Variants in RPL27 observed in about 807,000 individuals in gnomAD.
RPL27 encodes the protein large ribosomal subunit protein eL27.
For missense variants in RPL27, 131 were observed against 174.3 expected, an observed-to-expected ratio of 0.75 and a Z score of 1.40; for synonymous variants, 77 against 61.0, an observed-to-expected ratio of 1.26 and a Z score of -1.22.
intron 3 of RPL27, among the ~76,000 whole-genome samples, chr17:43,000,819 C>T (rs2050353420): frequency 6.6e-6 from 1 of 150,500 alleles, no homozygotes; most frequent in Admixed American, 6.6e-5. Flanking sequence ...CTTTGGGAGG[C>T]CAAGGCGGAT....
At chr17:42,999,195 C>G (rs1188243708) in intron 2 of RPL27, 1 of 201,612 alleles carries the variant, frequency 5.0e-6, no homozygotes, top group African/African-American at 2.4e-5. Flanking sequence ...GACGGGATCT[C>G]TGTCCAGGCT....
At chr17:42,998,587 GA>G (rs1172051417) in intron 1 of RPL27, 116 bp downstream of exon 1, 1 of 554,086 alleles carries the variant, frequency 1.8e-6, no homozygotes, top group African/African-American at 2.0e-5. Flanking sequence ...CTACGTATCC[GA>G]TCCTGTCCTG....
chr17:43,000,180 C>A, intron 3 of RPL27, 78 bp downstream of exon 3: 2 of 1,114,852 alleles, frequency 1.8e-6, no homozygotes, highest in Non-Finnish European at 2.7e-6. Flanking sequence ...GCAGCCATTC[C>A]AACACCAGGA....
In RPL27 at chr17:42,999,852, T is replaced by C. The variant is rs542134340; in HGVS notation, c.82-81T>C. On this transcript the variant is annotated intron_variant, in intron 2 of 4. Coordinates refer to ENST00000253788, the MANE Select transcript of RPL27 (RefSeq NM_000988.5). ...TCTTGGAGACCTGAGGGTGGAAATA[T>C]TTTTTGGACACTGCACTACCTCTAA... is the stretch of plus-strand genomic sequence containing the variant. 1.6e-5 allele frequency: 18 copies of C among 1,139,828 alleles called. No homozygotes were observed. In the African/African-American group the frequency reaches 2.2e-4, roughly 14 times the overall value. 70.6% of individuals were successfully genotyped at this position (1,139,828 alleles called of 1,614,324 possible).
chr17:43,000,592 C>T (rs1172561445), intron 3 of RPL27, among the ~76,000 whole-genome samples: 1 of 149,780 alleles, frequency 6.7e-6, no homozygotes, highest in African/African-American at 2.4e-5. Flanking sequence ...CACCTGCCAC[C>T]ACACCTGGCT....
intron 3 of RPL27, among the ~76,000 whole-genome samples, chr17:43,001,684 G>T (rs1306040713): frequency 1.3e-5 from 2 of 151,692 alleles, no homozygotes; most frequent in African/African-American, 2.4e-5. Flanking sequence ...GATGTGGTGG[G>T]GTTGAGGCAG....
chr17:43,001,822 T>TGGCTCAGGCTTGTAATCCCAGC (rs1248220563), intron 3 of RPL27, among the ~76,000 whole-genome samples: 1 of 151,674 alleles, frequency 6.6e-6, no homozygotes, highest in East Asian at 1.9e-4. Flanking sequence ...CCGGGCACAG[T>TGGCTCAGGCTTGTAATCCCAGC]GGCTCAGGCT....
Position 42,998,932 on chromosome 17 carries a change from G to A in RPL27, c.81+101G>A, listed in dbSNP as rs2271539. The stretch of plus-strand genomic sequence containing the variant: ...TTCAAGGCCTGTTTCTGGGGCAGTA[G>A]CCAGTGAGCACGGTCAGGGTGAACG... On this transcript the variant is annotated intron_variant, in intron 2 of 4. Coordinates refer to ENST00000253788, the MANE Select transcript of RPL27 (RefSeq NM_000988.5). 0.63 allele frequency: 561,790 copies of A among 895,796 alleles called. 183,574 individuals carry two copies. The highest frequency in any genetic ancestry group is 0.73 in the Admixed American group (39,456 of 54,346). The allele number at this position is 895,796 out of a possible 1,614,324, so 55.5% of individuals were successfully genotyped here. A position where few individuals can be genotyped will look rare whatever the true frequency, so the allele number is the denominator to read the frequency against.
At chr17:42,998,393 G>A (rs191982173), upstream of RPL27, 204 of 201,000 alleles carry the variant, frequency 1.0e-3, no homozygotes, top group African/African-American at 4.1e-3. Context: ...AGGAAGTGAG[G>A]TCACTCCTCA....
chr17:42,999,682 T>C, intron 2 of RPL27: 2 of 460,010 alleles, frequency 4.3e-6, no homozygotes, highest in Non-Finnish European at 7.9e-6. Flanking sequence ...TAGCAAGTAC[T>C]TCTTAAATGT....
chr17:43,001,403 A>G (rs1353024134), intron 3 of RPL27, among the ~76,000 whole-genome samples: 1 of 151,828 alleles, frequency 6.6e-6, no homozygotes, highest in African/African-American at 2.4e-5. Context: ...AGGCAGGTGG[A>G]TCGCTTGAGG....
rs776186138 is a variant in RPL27, at chr17:42,999,958, G to C, written c.107G>C (p.Arg36Pro). The C allele has an allele frequency of 6.2e-7, 1 of 1,611,904 alleles. No homozygotes were observed. The highest frequency in any genetic ancestry group is 8.5e-7 in the Non-Finnish European group (1 of 1,179,830). Residue 36 changes from arginine (R) to proline (P), a missense_variant, in exon 3 of 5, where the codon CGC becomes CCC. Arg to Pro is a moderately radical substitution (Grantham distance 103, BLOSUM62 -2). Transcript: ENST00000253788. ...AACATTGATGATGGCACCTCAGATC[G>C]CCCCTACAGCCATGCTCTGGTGGCT... ...VKNIDDGTSDRPYSHALVAGI... is the reference protein window; with the variant it reads ...VKNIDDGTSDPPYSHALVAGI...
chr17:42,999,922 T>TA lies in RPL27; in HGVS notation c.82-10dup. 1 of 1,607,446 alleles carries TA rather than the reference T, an allele frequency of 6.2e-7. No homozygotes were observed. The highest frequency in any genetic ancestry group is 1.1e-5 in the South Asian group (1 of 90,846). ...CTCAGTGAATAACAAATGTAATTCTTACTCATTTAGAACATTGATGATGGC... is the reference window on the plus strand; with the variant it reads ...CTCAGTGAATAACAAATGTAATTCTTAACTCATTTAGAACATTGATGATGGC... On this transcript the variant is annotated splice_polypyrimidine_tract_variant and intron_variant, in intron 2 of 4. Transcript: ENST00000253788.
At chr17:43,000,158 G>T (rs975484013) in intron 3 of RPL27, 56 bp downstream of exon 3, 122 of 1,338,528 alleles carry the variant, frequency 9.1e-5, no homozygotes, top group Non-Finnish European at 1.2e-4. Flanking sequence ...GTTGAATAAT[G>T]AGACAGACCT....
Position 43,002,689 on chromosome 17 carries a change from C to T in RPL27, c.268C>T (p.Pro90Ser), listed in dbSNP as rs199713340. The change falls in exon 4 of 5, where the codon CCC becomes TCC. Residue 90 changes from proline to serine, a missense_variant. Pro to Ser is a moderately conservative substitution (Grantham distance 74). Transcript: ENST00000253788. The stretch of plus-strand genomic sequence containing the variant: ...TGTCCCCAGGTACTCTGTGGATATC[C>T]CCTTGGACAAAACTGTCGTCAATAA... ...LMPTRYSVDI[P>S]LDKTVVNKDV... 6.2e-7 allele frequency: 1 copy of T among 1,611,912 alleles called. No individual in the cohort carries two copies. The highest frequency in any genetic ancestry group is 2.2e-5 in the East Asian group (1 of 44,854).
At chr17:43,001,228 CGAGAATT>C (rs1313057729) in intron 3 of RPL27, among the ~76,000 whole-genome samples, 1 of 151,912 alleles carries the variant, frequency 6.6e-6, no homozygotes, top group Non-Finnish European at 1.5e-5. Flanking sequence ...AAAAGAGGTG[CGAGAATT>C]GAGAAAGTCC....
At chr17:42,998,954 A>G in intron 2 of RPL27, 123 bp downstream of exon 2, 1 of 734,420 alleles carries the variant, frequency 1.4e-6, no homozygotes, top group Non-Finnish European at 2.3e-6. Context: ...GGTCAGGGTG[A>G]ACGTGGGAGA....
chr17:43,002,642 G>C, intron 3 of RPL27, 31 bp from the exon 4 acceptor site: 1 of 1,399,358 alleles, frequency 7.1e-7, no homozygotes, highest in Non-Finnish European at 1.0e-6. Context: ...CAGTATGTGG[G>C]CTAATCCTGC....
At chr17:42,998,883 G>A in intron 2 of RPL27, 52 bp downstream of exon 2, 5 of 1,486,256 alleles carry the variant, frequency 3.4e-6, no homozygotes, top group Non-Finnish European at 4.7e-6. Context: ...CAGGCTGGCT[G>A]CGGCGGGGCG....
Sources: gnomAD v4.1 joint callset for allele counts (sites outside exome capture counted in the v4.1 genomes callset) on GRCh38, gnomAD v4.1.1 for gene constraint, MANE v1.5 for transcripts, NCBI Gene and HGNC (gene_info 2026-07-23, HGNC 2026-07-21) for gene names.